Variants in CUL2 observed in about 807,000 individuals in gnomAD.
CUL2 encodes cullin-2.
A neutral mutation model predicts 110.2 loss-of-function variants in CUL2; 22 were observed. That is an observed-to-expected ratio of 0.20 (90% CI 0.14 to 0.28). CUL2 has a LOEUF of 0.28. Among genes scored for constraint, CUL2 ranks in the 10% least tolerant of loss-of-function variants. The pLI, the probability that CUL2 is intolerant of heterozygous loss-of-function variation, is 1.00. For synonymous variants in CUL2, 279 were observed against 293.2 expected (o/e 0.95, Z 0.49); for missense variants, 631 against 905.5 (o/e 0.70, Z 3.89).
At chr10:35,092,097 C>T (rs1047060956), upstream of CUL2, among the ~76,000 whole-genome samples, 5 of 150,968 alleles carry the variant, frequency 3.3e-5, no homozygotes, top group East Asian at 4.0e-4. Flanking sequence ...TGACTACAGG[C>T]GCGTGCGCCA....
chr10:35,016,871 A>G (rs1485182592), intron 17 of CUL2, among the ~76,000 whole-genome samples: 1 of 150,754 alleles, frequency 6.6e-6, no homozygotes, highest in East Asian at 1.9e-4. Flanking sequence ...AGGTTGCAGC[A>G]AGCCAAGATC....
intron 17 of CUL2, among the ~76,000 whole-genome samples, chr10:35,018,133 A>AC (rs1168589463): frequency 6.6e-6 from 1 of 150,386 alleles, no homozygotes; most frequent in Non-Finnish European, 1.5e-5. Flanking sequence ...AAAAAAAAAA[A>AC]AAAACTAGCA....
intron 1 of CUL2, among the ~76,000 whole-genome samples, chr10:35,110,921 G>A (rs2087516633): frequency 6.6e-6 from 1 of 152,206 alleles, no homozygotes; most frequent in South Asian, 2.1e-4. Flanking sequence ...GAATTTGGGA[G>A]AGACACATAA....
chr10:35,104,177 T>C (rs2087424442), intron 1 of CUL2, among the ~76,000 whole-genome samples: 1 of 152,238 alleles, frequency 6.6e-6, no homozygotes, highest in African/African-American at 2.4e-5. Flanking sequence ...CTGGGCGTAG[T>C]GGCTCACACC....
chr10:35,013,443 ATGCATAG>A (rs2084953982), intron 19 of CUL2, among the ~76,000 whole-genome samples: 1 of 152,194 alleles, frequency 6.6e-6, no homozygotes, highest in African/African-American at 2.4e-5. Flanking sequence ...TTCGGAGAGA[ATGCATAG>A]TTACACATTC....
At chr10:35,086,152 T>C (rs914024169) in intron 1 of CUL2, among the ~76,000 whole-genome samples, 3 of 151,634 alleles carry the variant, frequency 2.0e-5, no homozygotes, top group South Asian at 2.1e-4. Context: ...TGGGCTGAGA[T>C]TGAGCCCCTG....
At chr10:35,102,450 T>C (rs2087394382) in intron 1 of CUL2, among the ~76,000 whole-genome samples, 1 of 151,090 alleles carries the variant, frequency 6.6e-6, no homozygotes, top group Admixed American at 6.6e-5. Context: ...CACATGCCTG[T>C]AATTCCAGCT....
chr10:35,019,743 T>C (rs1301730289), intron 17 of CUL2, among the ~76,000 whole-genome samples: 1 of 152,204 alleles, frequency 6.6e-6, no homozygotes, highest in African/African-American at 2.4e-5. Flanking sequence ...CCCCAGTATC[T>C]GTGTCAGCTC....
In CUL2 at chr10:35,062,942, G is replaced by A. The variant is rs751141733; in HGVS notation, c.222+18C>T. On this transcript the variant is annotated intron_variant, in intron 3 of 20. Transcript: ENST00000374749. ...ACAACTATCAACATATTTATATCAC[G>A]TATGTATCATTGCTTACCTTATGCA... 18 of 1,291,716 alleles carry A rather than the reference G, an allele frequency of 1.4e-5. No individual in the cohort carries two copies. Among genetic ancestry groups the A allele is most frequent in the African/African-American group, 2.9e-5 (2 of 67,970 alleles). 80.0% of individuals were successfully genotyped at this position (1,291,716 alleles called of 1,614,324 possible).
Position 35,029,523 on chromosome 10 carries a change from C to G in CUL2, c.1504G>C (p.Asp502His). 1.3e-6 allele frequency: 2 copies of G among 1,574,910 alleles called. No homozygotes were observed. Among genetic ancestry groups the G allele is most frequent in the African/African-American group, 2.8e-5 (2 of 72,554 alleles). ...NFIKNQDTVI[D>H]LGISFQIYVL... ...TATATTTGAAAACTAATTCCCAAAT[C>G]TATTACTGTGTCTTGGTTTTTGATA... The change falls in exon 15 of 21, where the codon GAT becomes CAT. Residue 502 changes from aspartate (D) to histidine (H), a missense_variant. Asp to His is a moderately conservative substitution (Grantham distance 81). Around this residue, in one of 3 missense-constraint regions of CUL2, gnomAD observed 134 missense variants for 260.4 expected, o/e 0.51. Transcript: ENST00000374749.
intron 1 of CUL2, among the ~76,000 whole-genome samples, chr10:35,079,226 A>G (rs2086890490): frequency 6.6e-6 from 1 of 152,270 alleles, no homozygotes; most frequent in African/African-American, 2.4e-5. Context: ...ATGGTCTCTC[A>G]GAATATCTCA....
intron 17 of CUL2, among the ~76,000 whole-genome samples, chr10:35,021,846 T>TGAGGC (rs1173714698): frequency 4.9e-5 from 3 of 61,594 alleles, no homozygotes; most frequent in Non-Finnish European, 9.0e-5. Context: ...TGAGGTGAGG[T>TGAGGC]GAGGTGAGGT....
intron 2 of CUL2, among the ~76,000 whole-genome samples, chr10:35,095,775 G>A (rs902404939): frequency 6.6e-6 from 1 of 151,986 alleles, no homozygotes; most frequent in Non-Finnish European, 1.5e-5. Flanking sequence ...TGGCCAGGCT[G>A]GTCTTGAACT....
At chr10:35,012,681 T>C (rs930692689) in intron 19 of CUL2, among the ~76,000 whole-genome samples, 1 of 152,042 alleles carries the variant, frequency 6.6e-6, no homozygotes, top group Non-Finnish European at 1.5e-5. Context: ...TGGAGGAAAA[T>C]GGAATCTTGA....
In CUL2 at chr10:35,029,567, T is replaced by C; in HGVS notation, c.1460A>G (p.Asn487Ser). Residue 487 changes from asparagine to serine, a missense_variant, in exon 15 of 21, where the codon AAC becomes AGC. Asn to Ser is a conservative substitution (Grantham distance 46). This residue lies in a region of CUL2 where 134 missense variants were observed against 260.4 expected (regional missense o/e 0.51). Transcript: ENST00000374749. ...TTTGATAAAATTGTTGAACTTATTG[T>C]TGAGATCAGCGCTGACACTCATATC... ...YTDMSVSADL[N>S]NKFNNFIKNQ... 1 of 1,594,816 alleles carries C rather than the reference T, an allele frequency of 6.3e-7. No homozygotes were observed. Among genetic ancestry groups the C allele is most frequent in the Non-Finnish European group, 8.5e-7 (1 of 1,173,240 alleles).
At position 35,025,163 on chromosome 10, in the gene CUL2, C is replaced by A; in HGVS notation, c.1653G>T (p.Arg551Ser). The part of the protein sequence containing the change: ...ELFYSQHFSG[R>S]KLTWLHYLCT... The stretch of plus-strand genomic sequence containing the variant: ...ACAGATAATGTAACCATGTAAGTTT[C>A]CTTCCACTGAAATGTTGGCTATAAA... The change falls in exon 17 of 21, where the codon AGG (arginine) becomes AGT (serine). Residue 551 changes from arginine (R) to serine (S), a missense_variant. Arg to Ser is a moderately radical substitution (Grantham distance 110). Transcript: ENST00000374749. 6.4e-7 allele frequency: 1 copy of A among 1,574,800 alleles called. No homozygotes were observed. The highest frequency in any genetic ancestry group is 1.2e-5 in the South Asian group (1 of 82,936).
intron 9 of CUL2, 149 bp from the exon 10 acceptor site, chr10:35,035,445 G>T: frequency 1.4e-6 from 1 of 693,532 alleles, no homozygotes; most frequent in Non-Finnish European, 2.4e-6. Flanking sequence ...AGCCACCCAA[G>T]CCCCTCTCCC....
intron 1 of CUL2, among the ~76,000 whole-genome samples, chr10:35,102,740 G>A (rs1028802101): frequency 4.6e-5 from 7 of 151,410 alleles, no homozygotes; most frequent in Non-Finnish European, 7.4e-5. Flanking sequence ...AAAATTAGCC[G>A]GGTGCAGTGG....
chr10:35,022,755 A>T (rs565680799), intron 17 of CUL2, among the ~76,000 whole-genome samples: 2 of 151,868 alleles, frequency 1.3e-5, no homozygotes, highest in African/African-American at 4.8e-5. Flanking sequence ...CTTGAAAATT[A>T]CTGTGACAAG....
Sources: gnomAD v4.1 joint callset for allele counts (sites outside exome capture counted in the v4.1 genomes callset) on GRCh38, gnomAD v4.1.1 for gene constraint, gnomAD v4.1.1 regional missense constraint, MANE v1.5 for transcripts, NCBI Gene and HGNC (gene_info 2026-07-23, HGNC 2026-07-21) for gene names.